AREL1: variants seen among roughly 807,000 people sequenced by gnomAD.
The protein encoded by AREL1 is apoptosis resistant E3 ubiquitin protein ligase 1, also known as apoptosis-resistant E3 ubiquitin protein ligase 1.
Under a neutral mutation model 99.0 loss-of-function variants are expected in AREL1, and 62 were observed. That is an observed-to-expected ratio of 0.63 (90% CI 0.51 to 0.77). The LOEUF is 0.77. Among genes scored for constraint, AREL1 ranks in the 30% least tolerant of loss-of-function variants. The pLI is 0.00. For missense variants in AREL1, 879 were observed against 1,027.6 expected (o/e 0.86, Z 1.98); for synonymous variants, 380 against 376.5 (o/e 1.01, Z -0.11).
rs774370814 is a variant in AREL1 at position 74,667,559 on chromosome 14, T to C, written c.1950A>G (p.Pro650=). Residue 650 remains proline (P), a synonymous_variant, in exon 16 of 20, where the codon CCA becomes CCG. Coordinates refer to ENST00000356357, the MANE Select transcript of AREL1 (RefSeq NM_001039479.2). ...VELMTGGAQT[P]VTNANKIFYL... ...AGAAGATTTTATTCGCATTGGTGACTGGAGTTTGAGCTCCACCTGTCATGA... is the reference window on the plus strand; with the variant it reads ...AGAAGATTTTATTCGCATTGGTGACCGGAGTTTGAGCTCCACCTGTCATGA... 1.2e-6 allele frequency: 2 copies of C among 1,613,690 alleles called. No homozygotes were observed. The highest frequency in any genetic ancestry group is 2.2e-5 in the South Asian group (2 of 90,968).
At chr14:74,701,605 T>C (rs1357083492) in intron 1 of AREL1, 1 of 152,184 alleles carries the variant, frequency 6.6e-6, no homozygotes, top group Non-Finnish European at 1.5e-5. Flanking sequence ...AGATGAGATT[T>C]GGATGGGGAC....
At chr14:74,698,813 C>A in intron 1 of AREL1, 1 of 256,990 alleles carries the variant, frequency 3.9e-6, no homozygotes, top group Non-Finnish European at 8.4e-6. Flanking sequence ...GGCTTGCGCC[C>A]AGGAGTTCAA....
intron 5 of AREL1, among the ~76,000 whole-genome samples, chr14:74,677,708 G>A (rs2139896786): frequency 1.3e-5 from 2 of 151,046 alleles, no homozygotes; most frequent in Middle Eastern, 3.4e-3. Flanking sequence ...TCACCATATT[G>A]GCCAGGCTGG....
intron 1 of AREL1, among the ~76,000 whole-genome samples, 153 bp from the exon 2 acceptor site, chr14:74,692,481 CA>C (rs1313917313): frequency 6.6e-6 from 1 of 152,170 alleles, no homozygotes; most frequent in African/African-American, 2.4e-5. Context: ...CAAGCATTCT[CA>C]ATTAAAACTC....
chr14:74,710,332 G>A (rs1379728515), intron 1 of AREL1, among the ~76,000 whole-genome samples: 1 of 152,208 alleles, frequency 6.6e-6, no homozygotes, highest in East Asian at 1.9e-4. Flanking sequence ...ACTCTCAATA[G>A]AGGTTACAAT....
intron 5 of AREL1, 50 bp downstream of exon 5, chr14:74,683,244 AAG>A (rs1293002210): frequency 2.1e-5 from 27 of 1,286,596 alleles, no homozygotes; most frequent in Non-Finnish European, 2.5e-5. Context: ...ACAGGATGGA[AAG>A]AGAGAGAGGG....
At chr14:74,712,038 CAAAAAAAAA>C (rs752599769) in intron 1 of AREL1, 12 of 28,700 alleles carry the variant, frequency 4.2e-4, no homozygotes, top group East Asian at 1.4e-3. Context: ...AGACAAAGTG[CAAAAAAAAA>C]AAAAAAAAAA....
At chr14:74,672,440 T>A (rs1296240530) in intron 11 of AREL1, among the ~76,000 whole-genome samples, 1 of 152,176 alleles carries the variant, frequency 6.6e-6, no homozygotes, top group African/African-American at 2.4e-5. Context: ...TTAAGTTTCA[T>A]GAAAAAGATA....
intron 5 of AREL1, 37 bp downstream of exon 5, chr14:74,683,258 AG>A (rs1457972386): frequency 7.1e-7 from 1 of 1,404,964 alleles, no homozygotes; most frequent in African/African-American, 1.4e-5. Flanking sequence ...GAGAGAGGGA[AG>A]GAGACAAAGG....
chr14:74,700,875 CGAGA>C (rs143133360), intron 1 of AREL1, among the ~76,000 whole-genome samples: 2 of 152,058 alleles, frequency 1.3e-5, no homozygotes, highest in Non-Finnish European at 2.9e-5. Flanking sequence ...GTTTTTTAAC[CGAGA>C]GAGAAAAAGG....
intron 1 of AREL1, among the ~76,000 whole-genome samples, chr14:74,706,533 C>G (rs534214295): frequency 6.6e-6 from 1 of 152,240 alleles, no homozygotes; most frequent in African/African-American, 2.4e-5. Context: ...AGAAATGGCA[C>G]CCTAAGATAG....
At chr14:74,694,034 A>C (rs1393948640) in intron 1 of AREL1, among the ~76,000 whole-genome samples, 1 of 152,050 alleles carries the variant, frequency 6.6e-6, no homozygotes, top group Non-Finnish European at 1.5e-5. Flanking sequence ...AAAATTACCC[A>C]GACATGGCGG....
intron 2 of AREL1, among the ~76,000 whole-genome samples, chr14:74,690,289 C>T (rs2089848845): frequency 6.8e-6 from 1 of 146,206 alleles, no homozygotes; most frequent in African/African-American, 2.6e-5. Context: ...AAAAAAAGCT[C>T]CAAAGAAACC....
intron 1 of AREL1, among the ~76,000 whole-genome samples, chr14:74,693,181 C>A (rs1390475316): frequency 6.6e-6 from 1 of 152,112 alleles, no homozygotes; most frequent in Non-Finnish European, 1.5e-5. Flanking sequence ...GGAATTGAGA[C>A]AATATTCAGC....
chr14:74,671,451 T>G lies in AREL1; in HGVS notation c.1455A>C (p.Ser485=). The part of the protein sequence containing the change: ...SLKATRNFSI[S]DWSKNFEVVF... ...CAACCTCAAAGTTCTTGCTCCAATC[T>G]GAGATGGAGAAATTCCGAGTGGCTT... Residue 485 remains serine, a synonymous_variant, in exon 12 of 20, where the codon TCA becomes TCC. Coordinates refer to ENST00000356357, the MANE Select transcript of AREL1 (RefSeq NM_001039479.2). 6.3e-7 allele frequency: 1 copy of G among 1,593,818 alleles called. No homozygotes were observed. The highest frequency in any genetic ancestry group is 1.1e-5 in the South Asian group (1 of 88,396).
intron 11 of AREL1, chr14:74,672,049 C>A: frequency 2.2e-6 from 1 of 453,730 alleles, no homozygotes; most frequent in Non-Finnish European, 4.4e-6. Context: ...ATGCCAGTGT[C>A]TGTGCAGTGG....
intron 2 of AREL1, among the ~76,000 whole-genome samples, chr14:74,689,592 C>CTT (rs1057362002): frequency 7.0e-4 from 69 of 98,492 alleles, no homozygotes; most frequent in African/African-American, 2.0e-3. Context: ...TAGCACTTTT[C>CTT]TTTTTTTTTT....
At chr14:74,704,935 A>G (rs768642851) in intron 1 of AREL1, among the ~76,000 whole-genome samples, 1 of 152,004 alleles carries the variant, frequency 6.6e-6, no homozygotes, top group East Asian at 1.9e-4. Context: ...AACTTTTTAA[A>G]ACTCCTGCAT....
At chr14:74,703,255 C>G (rs577748695) in intron 1 of AREL1, among the ~76,000 whole-genome samples, 1 of 152,328 alleles carries the variant, frequency 6.6e-6, no homozygotes, top group Admixed American at 6.5e-5. Flanking sequence ...AGGCAAAAGG[C>G]ATGTCTTACG....
Sources: allele counts gnomAD v4.1 joint callset (sites outside exome capture counted in the v4.1 genomes callset), GRCh38; gene constraint gnomAD v4.1.1; transcripts MANE v1.5; gene names NCBI Gene and HGNC (gene_info 2026-07-23, HGNC 2026-07-21).